CNTNAP2: variants seen among roughly 807,000 people sequenced by gnomAD.
The protein encoded by CNTNAP2 is contactin-associated protein-like 2.
Under a neutral mutation model 155.2 loss-of-function variants are expected in CNTNAP2, and 98 were observed. The observed-to-expected ratio is 0.63, with a 90% CI of 0.54 to 0.75. CNTNAP2 has a LOEUF of 0.75. Among genes scored for constraint, CNTNAP2 ranks in the 30% least tolerant of loss-of-function variants. CNTNAP2 has a pLI of 0.00. For synonymous variants in CNTNAP2, 651 were observed against 631.2 expected, an observed-to-expected ratio of 1.03 and a Z score of -0.47; for missense variants, 1,727 against 1,688.1, an observed-to-expected ratio of 1.02 and a Z score of -0.40.
intron 21 of CNTNAP2, chr7:148,339,781 C>G (rs1360337306): frequency 2.0e-5 from 3 of 152,220 alleles, no homozygotes; most frequent in African/African-American, 7.2e-5. Flanking sequence ...GATTTTAACA[C>G]CTCTGCAAGC....
chr7:146,961,959 C>T (rs527944777), intron 3 of CNTNAP2, among the ~76,000 whole-genome samples: 1 of 152,000 alleles, frequency 6.6e-6, no homozygotes, highest in African/African-American at 2.4e-5. Flanking sequence ...GAGACTTAGG[C>T]AATTAAAGAC....
chr7:148,086,870 TG>T (rs956894226), intron 15 of CNTNAP2, among the ~76,000 whole-genome samples: 18 of 152,168 alleles, frequency 1.2e-4, no homozygotes, highest in African/African-American at 3.9e-4. Context: ...TATATCAAAT[TG>T]TTTTTTTTTA....
chr7:146,161,309 C>G (rs919943501), intron 1 of CNTNAP2, among the ~76,000 whole-genome samples: 2 of 152,214 alleles, frequency 1.3e-5, no homozygotes, highest in Non-Finnish European at 2.9e-5. Context: ...TATGCCCTCT[C>G]TCACCACTCC....
At chr7:147,480,401 C>T (rs1325132498) in intron 10 of CNTNAP2, among the ~76,000 whole-genome samples, 2 of 152,136 alleles carry the variant, frequency 1.3e-5, no homozygotes, top group East Asian at 3.9e-4. Flanking sequence ...ATTAAATATC[C>T]TAGCACTGTT....
At chr7:147,123,445 G>A (rs1391551839) in intron 6 of CNTNAP2, among the ~76,000 whole-genome samples, 4 of 152,186 alleles carry the variant, frequency 2.6e-5, no homozygotes, top group Non-Finnish European at 5.9e-5. Flanking sequence ...TTGCTATATC[G>A]GATCAGCAGT....
At chr7:146,707,647 T>C (rs963806161) in intron 1 of CNTNAP2, among the ~76,000 whole-genome samples, 16 of 152,170 alleles carry the variant, frequency 1.1e-4, no homozygotes, top group Non-Finnish European at 2.1e-4. Context: ...TTTAAATTTT[T>C]AGTTCAACAT....
At chr7:148,172,807 G>C (rs1186581236) in intron 18 of CNTNAP2, among the ~76,000 whole-genome samples, 1 of 152,140 alleles carries the variant, frequency 6.6e-6, no homozygotes, top group Non-Finnish European at 1.5e-5. Context: ...AATCAGGCCT[G>C]ACCCTCCCAC....
At chr7:146,411,838 A>ATTT (rs1221342975) in intron 1 of CNTNAP2, among the ~76,000 whole-genome samples, 1 of 122,758 alleles carries the variant, frequency 8.1e-6, no homozygotes, top group African/African-American at 3.8e-5. Flanking sequence ...TTATTTATTT[A>ATTT]TTTATTTATT....
chr7:147,577,199 A>G (rs747176452), intron 12 of CNTNAP2, among the ~76,000 whole-genome samples: 9 of 152,078 alleles, frequency 5.9e-5, no homozygotes, highest in Non-Finnish European at 1.0e-4. Context: ...CGGTTCATTC[A>G]TCATACTTCT....
chr7:147,533,027 T>G (rs1382596060), intron 11 of CNTNAP2, among the ~76,000 whole-genome samples: 1 of 152,026 alleles, frequency 6.6e-6, no homozygotes, highest in Non-Finnish European at 1.5e-5. Flanking sequence ...TTATTTCTCA[T>G]AAGAACTCTG....
intron 9 of CNTNAP2, among the ~76,000 whole-genome samples, chr7:147,345,690 CT>C (rs1216879109): frequency 2.7e-5 from 4 of 150,906 alleles, no homozygotes; most frequent in African/African-American, 9.8e-5. Context: ...TAGTTTTTTT[CT>C]GTTTCATTAA....
chr7:147,568,359 T>C (rs993276303), intron 12 of CNTNAP2, among the ~76,000 whole-genome samples: 2 of 152,184 alleles, frequency 1.3e-5, no homozygotes, highest in African/African-American at 4.8e-5. Flanking sequence ...GCAGTAGTTC[T>C]ACTATGTAAT....
intron 1 of CNTNAP2, among the ~76,000 whole-genome samples, chr7:146,742,505 A>G (rs1801736771): frequency 6.6e-6 from 1 of 152,240 alleles, no homozygotes; most frequent in Admixed American, 6.5e-5. Context: ...TGTAAAGTTT[A>G]TGTATGAGGT....
At chr7:146,401,455 C>T (rs1350315100) in intron 1 of CNTNAP2, among the ~76,000 whole-genome samples, 1 of 152,076 alleles carries the variant, frequency 6.6e-6, no homozygotes, top group Non-Finnish European at 1.5e-5. Context: ...CTTCTATGTT[C>T]CCTCATTTTT....
chr7:148,093,071 A>T (rs1029184984), intron 15 of CNTNAP2, among the ~76,000 whole-genome samples: 3 of 152,092 alleles, frequency 2.0e-5, no homozygotes, highest in Admixed American at 6.5e-5. Context: ...GGGTTTAGAT[A>T]AAAATAAATA....
intron 1 of CNTNAP2, among the ~76,000 whole-genome samples, chr7:146,668,067 A>G (rs778839918): frequency 9.2e-5 from 14 of 151,958 alleles, no homozygotes; most frequent in Non-Finnish European, 1.6e-4. Context: ...AGAGGAAAAG[A>G]TTTTAGCTTT....
chr7:147,150,221 C>A (rs1289433777), intron 8 of CNTNAP2, among the ~76,000 whole-genome samples: 1 of 152,064 alleles, frequency 6.6e-6, no homozygotes, highest in Non-Finnish European at 1.5e-5. Context: ...TAAGTAAGAA[C>A]AGATAAACAG....
chr7:146,586,439 C>T (rs1798693460), intron 1 of CNTNAP2, among the ~76,000 whole-genome samples: 1 of 152,086 alleles, frequency 6.6e-6, no homozygotes, highest in Admixed American at 6.6e-5. Context: ...GAGTATAGAG[C>T]CTACAGCTGA....
chr7:147,027,011 AAAAAAAC>A (rs200866853), intron 3 of CNTNAP2, among the ~76,000 whole-genome samples: 7,032 of 145,586 alleles, frequency 0.048, 340 homozygotes, highest in African/African-American at 0.15. Context: ...ACAGAAAAAA[AAAAAAAC>A]AAAAAAAAGA....
Sources: allele counts gnomAD v4.1 joint callset (sites outside exome capture counted in the v4.1 genomes callset), GRCh38; gene constraint gnomAD v4.1.1; transcripts MANE v1.5; gene names NCBI Gene and HGNC (gene_info 2026-07-23, HGNC 2026-07-21).